The following TNRC6A variants were observed in gnomAD, a reference collection of about 807,000 sequenced individuals.
TNRC6A encodes trinucleotide repeat-containing gene 6A protein.
TNRC6A carries 44 observed loss-of-function variants against 221.2 expected under a neutral mutation model. The observed-to-expected ratio is 0.20, with a 90% CI of 0.16 to 0.26. TNRC6A has a LOEUF of 0.26. Among genes scored for constraint, TNRC6A ranks in the 10% least tolerant of loss-of-function variants. TNRC6A has a pLI of 1.00. For synonymous variants in TNRC6A, 847 were observed against 838.5 expected (o/e 1.01, Z -0.18); for missense variants, 2,199 against 2,404.4 (o/e 0.91, Z 1.79).
intron 5 of TNRC6A, among the ~76,000 whole-genome samples, chr16:24,778,918 G>A (rs2151746214): frequency 6.6e-6 from 1 of 152,328 alleles, no homozygotes; most frequent in East Asian, 1.9e-4. Flanking sequence ...TACAACAGAT[G>A]ATGGAGTACC....
At chr16:24,745,383 AT>A (rs1490948562) in intron 2 of TNRC6A, among the ~76,000 whole-genome samples, 1 of 152,194 alleles carries the variant, frequency 6.6e-6, no homozygotes, top group African/African-American at 2.4e-5. Context: ...GAGAAAAGGA[AT>A]GGGGGGTGGC....
rs561050255 is a variant in TNRC6A, at chr16:24,669,481, C to A, written n.402+28472C>A. Among the ~76,000 whole-genome samples, 174 of 98,426 alleles carry A rather than the reference C, an allele frequency of 1.8e-3. No individual in the cohort carries two copies. The South Asian group carries it at 0.021, about 12-fold the overall frequency. The allele number at this position is 98,426 out of a possible 152,430, so 64.6% of individuals were successfully genotyped here. A position where few individuals can be genotyped will look rare whatever the true frequency, so the allele number is the denominator to read the frequency against. Reference sequence around the variant, plus strand: ...TCCAGCCTGGGCAACAAGCAAGACTCTGTCTCAAAAAAAAAAAAATCCTAT... The same window carrying A: ...TCCAGCCTGGGCAACAAGCAAGACTATGTCTCAAAAAAAAAAAAATCCTAT... On this transcript the variant is annotated intron_variant and non_coding_transcript_variant, in intron 2 of 2. Transcript: ENST00000566108.
At chr16:24,695,967 C>G (rs1889833534) in intron 2 of TNRC6A, among the ~76,000 whole-genome samples, 1 of 152,040 alleles carries the variant, frequency 6.6e-6, no homozygotes, top group African/African-American at 2.4e-5. Context: ...AGATTCTGTC[C>G]CTCAAGATAG....
At chr16:24,621,252 T>C (rs1180129143) in intron 1 of TNRC6A, among the ~76,000 whole-genome samples, 1 of 151,680 alleles carries the variant, frequency 6.6e-6, no homozygotes, top group Non-Finnish European at 1.5e-5. Flanking sequence ...CCAAATACTG[T>C]TATGGTCTCA....
At chr16:24,664,534 T>C (rs1876237824) in intron 2 of TNRC6A, among the ~76,000 whole-genome samples, 1 of 143,266 alleles carries the variant, frequency 7.0e-6, no homozygotes, top group East Asian at 2.0e-4. Flanking sequence ...ATAATATATA[T>C]ATTTTTAAAA....
chr16:24,744,287 G>A (rs1312456088), intron 2 of TNRC6A, among the ~76,000 whole-genome samples: 2 of 152,040 alleles, frequency 1.3e-5, no homozygotes, highest in Non-Finnish European at 2.9e-5. Context: ...GGTCTCTGTC[G>A]GGTTTCATCA....
Position 24,825,430 on chromosome 16 carries a change from T to C in TNRC6A, c.*1623T>C, listed in dbSNP as rs540438858. 12 of 152,796 alleles carry C rather than the reference T, an allele frequency of 7.9e-5. No individual in the cohort carries two copies. Among genetic ancestry groups the C allele is most frequent in the Non-Finnish European group, 1.6e-4 (11 of 68,026 alleles). 9.5% of individuals were successfully genotyped at this position (152,796 alleles called of 1,614,324 possible). The stretch of plus-strand genomic sequence containing the variant: ...TTGAATTATGAAATTTCTTCAGATA[T>C]AATAAACCATGACTTTTTGGCTGCT... On this transcript the variant is annotated 3_prime_UTR_variant, in exon 25 of 25. Transcript: ENST00000395799.
At chr16:24,780,291 G>C (rs996639019) in intron 5 of TNRC6A, among the ~76,000 whole-genome samples, 7 of 152,134 alleles carry the variant, frequency 4.6e-5, no homozygotes, top group Admixed American at 4.6e-4. Flanking sequence ...ATGCATGCAT[G>C]TGCACATTAT....
At chr16:24,637,225 G>A (rs1020655879) in intron 1 of TNRC6A, among the ~76,000 whole-genome samples, 1 of 152,020 alleles carries the variant, frequency 6.6e-6, no homozygotes, top group Non-Finnish European at 1.5e-5. Context: ...TAGAGATGGG[G>A]TTTCACCATG....
chr16:24,678,503 G>A (rs891886631), intron 2 of TNRC6A, among the ~76,000 whole-genome samples: 2 of 152,254 alleles, frequency 1.3e-5, no homozygotes, highest in South Asian at 2.1e-4. Flanking sequence ...CCAGCCAACA[G>A]CCATCAGGGA....
intron 4 of TNRC6A, among the ~76,000 whole-genome samples, chr16:24,769,549 C>T (rs560572861): frequency 6.6e-6 from 1 of 151,768 alleles, no homozygotes; most frequent in South Asian, 2.1e-4. Flanking sequence ...AACTCTTTTC[C>T]ATTAAAATCT....
At position 24,823,588 on chromosome 16, in the gene TNRC6A, A is replaced by G. The variant is rs1286417755; in HGVS notation, c.5670A>G (p.Ser1890=). The change falls in exon 25 of 25, where the codon TCA becomes TCG. Residue 1890 remains serine (S), a synonymous_variant. Coordinates refer to ENST00000395799, the MANE Select transcript of TNRC6A (RefSeq NM_014494.4). This position sits in a 1 kb window ranked among gnomAD's most constrained non-coding sequence, Gnocchi z 4.3. ...SRLGSLDCSH[S]FSSRTDLNHW... Reference sequence around the variant, plus strand: ...TGGGCTCCCTCGACTGTTCCCACTCATTCTCCAGCCGGACCGATCTCAATC... The same window carrying G: ...TGGGCTCCCTCGACTGTTCCCACTCGTTCTCCAGCCGGACCGATCTCAATC... The G allele has an allele frequency of 6.2e-7, 1 of 1,614,080 alleles. No individual in the cohort carries two copies. The highest frequency in any genetic ancestry group is 8.5e-7 in the Non-Finnish European group (1 of 1,179,998).
At chr16:24,633,463 C>T (rs535975524) in intron 1 of TNRC6A, among the ~76,000 whole-genome samples, 68 of 151,992 alleles carry the variant, frequency 4.5e-4, no homozygotes, top group Admixed American at 9.8e-4. Flanking sequence ...GGTGCAATCT[C>T]GGCTCACTGC....
chr16:24,649,035 C>A (rs541270660), intron 2 of TNRC6A, among the ~76,000 whole-genome samples: 4 of 152,058 alleles, frequency 2.6e-5, no homozygotes, highest in Admixed American at 2.6e-4. Flanking sequence ...AATCTCAACA[C>A]TTTGGGGGAC....
chr16:24,611,629 C>T (rs1567296337), intron 1 of TNRC6A, among the ~76,000 whole-genome samples: 1 of 152,176 alleles, frequency 6.6e-6, no homozygotes, highest in East Asian at 1.9e-4. Context: ...TTTGAGGCCA[C>T]ACCTTTGCAG....
At chr16:24,712,029 C>A (rs980605332) in intron 2 of TNRC6A, among the ~76,000 whole-genome samples, 1 of 152,086 alleles carries the variant, frequency 6.6e-6, no homozygotes, top group Non-Finnish European at 1.5e-5. Context: ...CTGCCAAGAC[C>A]ATTCAATGGG....
At chr16:24,615,375 C>G (rs1012358441) in intron 1 of TNRC6A, among the ~76,000 whole-genome samples, 1 of 152,110 alleles carries the variant, frequency 6.6e-6, no homozygotes, top group African/African-American at 2.4e-5. Flanking sequence ...ATACCCTAGA[C>G]AGTGGGATAT....
intron 4 of TNRC6A, among the ~76,000 whole-genome samples, chr16:24,773,521 T>G (rs1303051085): frequency 6.6e-6 from 1 of 152,268 alleles, no homozygotes; most frequent in East Asian, 1.9e-4. Flanking sequence ...CTGTATGGCA[T>G]GCATGTGTGT....
intron 1 of TNRC6A, among the ~76,000 whole-genome samples, chr16:24,631,496 G>C (rs963503352): frequency 2.0e-5 from 3 of 152,058 alleles, no homozygotes; most frequent in African/African-American, 7.2e-5. Flanking sequence ...TAGGGGCTGG[G>C]TGTGGTGACT....
Sources: allele counts gnomAD v4.1 joint callset (sites outside exome capture counted in the v4.1 genomes callset), GRCh38; gene constraint gnomAD v4.1.1; non-coding constraint Gnocchi (gnomAD v3.1); transcripts MANE v1.5; gene names NCBI Gene and HGNC (gene_info 2026-07-23, HGNC 2026-07-21).